EZH1: variants seen among roughly 807,000 people sequenced by gnomAD.
EZH1 encodes histone-lysine N-methyltransferase EZH1.
In EZH1, 33 loss-of-function variants were observed where a neutral mutation model predicts 100.5. The observed-to-expected ratio is 0.33, with a 90% CI of 0.25 to 0.44. The LOEUF is 0.44. Among genes scored for constraint, EZH1 ranks in the 20% least tolerant of loss-of-function variants. The probability of loss-of-function intolerance (pLI) is 1.00; values close to 1 mark genes in which losing one functional copy is unlikely to be tolerated. For synonymous variants in EZH1, 272 were observed against 313.8 expected (o/e 0.87, Z 1.41); for missense variants, 475 against 928.4 (o/e 0.51, Z 6.35).
intron 12 of EZH1, among the ~76,000 whole-genome samples, chr17:42,710,636 T>C (rs571599599): frequency 1.3e-5 from 2 of 150,516 alleles, no homozygotes; most frequent in African/African-American, 4.9e-5. Context: ...TTTGTTTTTT[T>C]TTTTTTTTTT....
rs779743535 is a variant in EZH1 at position 42,705,225 on chromosome 17, T to C, written c.1840-42A>G. ...CAAGTCTCAGACTACAGGGTGTGCATGAGTAGGGGGTGTGTGCTGGATGTG... is the reference window on the plus strand; with the variant it reads ...CAAGTCTCAGACTACAGGGTGTGCACGAGTAGGGGGTGTGTGCTGGATGTG... On this transcript the variant is annotated intron_variant, in intron 16 of 20. Transcript: ENST00000428826. The C allele has an allele frequency of 4.0e-6, 5 of 1,238,222 alleles. No individual in the cohort carries two copies. In the East Asian group the frequency reaches 9.5e-5, roughly 24 times the overall value. 76.7% of individuals were successfully genotyped at this position (1,238,222 alleles called of 1,614,324 possible).
chr17:42,706,279 G>A lies in EZH1; in HGVS notation c.1661-94C>T. ...GGGACAGCAAAGAAGTAAATTTTTT[G>A]TGTTCAAGGATGTTTGGCAAAATAA... On this transcript the variant is annotated intron_variant, in intron 15 of 20. Coordinates refer to ENST00000428826, the MANE Select transcript of EZH1 (RefSeq NM_001991.5). The surrounding 1 kb of genome is among the most constrained non-coding windows in gnomAD (Gnocchi z 4.4). 8.3e-7 allele frequency: 1 copy of A among 1,209,912 alleles called. No homozygotes were observed. The highest frequency in any genetic ancestry group is 2.2e-5 in the South Asian group (1 of 46,140). 74.9% of individuals were successfully genotyped at this position (1,209,912 alleles called of 1,614,324 possible).
intron 6 of EZH1, 32 bp from the exon 7 acceptor site, chr17:42,720,481 G>C: frequency 6.3e-7 from 1 of 1,583,844 alleles, no homozygotes; most frequent in Non-Finnish European, 8.6e-7. Flanking sequence ...GATGAGCAGT[G>C]GTCACTTCAC....
intron 2 of EZH1, 69 bp downstream of exon 2, chr17:42,730,759 G>A (rs2053930928): frequency 1.4e-6 from 1 of 708,716 alleles, no homozygotes; most frequent in Non-Finnish European, 1.7e-6. Flanking sequence ...GCCTCCCAAA[G>A]TGCTGGGATT....
chr17:42,718,357 G>A lies in EZH1; in HGVS notation c.931+97C>T. On this transcript the variant is annotated intron_variant, in intron 9 of 20. Coordinates refer to ENST00000428826, the MANE Select transcript of EZH1 (RefSeq NM_001991.5). This position sits in a 1 kb window ranked among gnomAD's most constrained non-coding sequence, Gnocchi z 4.2. ...CCCTTTGTAAAACGTTAGAACAGAA[G>A]CCAGGAACTCTATACGAGAAACCAG... The A allele has an allele frequency of 6.7e-7, 1 of 1,486,380 alleles. No homozygotes were observed. Among genetic ancestry groups the A allele is most frequent in the East Asian group, 2.3e-5 (1 of 43,316 alleles). 92.1% of individuals were successfully genotyped at this position (1,486,380 alleles called of 1,614,324 possible).
intron 6 of EZH1, 95 bp downstream of exon 6, chr17:42,722,700 G>C: frequency 7.9e-7 from 1 of 1,261,092 alleles, no homozygotes; most frequent in Non-Finnish European, 1.1e-6. Context: ...GTACCCCATG[G>C]GGCAGAAGAT....
rs138011333 is a variant in EZH1 at position 42,727,481 on chromosome 17, G to C, written c.246+154C>G. ...TGGTCTCAAACTCCTCACCTCAAGCGATTTTCCCACCTCAGCCTCCCAAAT... is the reference window on the plus strand; with the variant it reads ...TGGTCTCAAACTCCTCACCTCAAGCCATTTTCCCACCTCAGCCTCCCAAAT... On this transcript the variant is annotated intron_variant, in intron 4 of 20. Coordinates refer to ENST00000428826, the MANE Select transcript of EZH1 (RefSeq NM_001991.5). Among the ~76,000 whole-genome samples, 295 of 152,104 alleles carry C rather than the reference G, an allele frequency of 1.9e-3. 1 individual carries two copies. Among genetic ancestry groups the C allele is most frequent in the African/African-American group, 6.7e-3 (277 of 41,494 alleles).
Position 42,745,011 on chromosome 17 carries a change from C to A in EZH1, c.-103G>T. 1.6e-6 allele frequency: 2 copies of A among 1,274,002 alleles called. No individual in the cohort carries two copies. Among genetic ancestry groups the A allele is most frequent in the Non-Finnish European group, 1.0e-6 (1 of 982,890 alleles). 78.9% of individuals were successfully genotyped at this position (1,274,002 alleles called of 1,614,324 possible). On this transcript the variant is annotated splice_region_variant and 5_prime_UTR_variant, in exon 1 of 21. Transcript: ENST00000428826. Reference sequence around the variant, plus strand: ...GGCCCAGGCTTGTTTACTCACTCACCCTCCATCCCGAGCCGCGGGTCCCGC... The same window carrying A: ...GGCCCAGGCTTGTTTACTCACTCACACTCCATCCCGAGCCGCGGGTCCCGC...
chr17:42,732,141 A>C lies in EZH1; in HGVS notation c.-102-1223T>G, dbSNP rs1451955797. ...TCAAAAACAAAAACAAAACAAAACCAAAAAAAAAAAAGGAAAAGAAAAGAA... is the reference window on the plus strand; with the variant it reads ...TCAAAAACAAAAACAAAACAAAACCCAAAAAAAAAAAGGAAAAGAAAAGAA... On this transcript the variant is annotated intron_variant, in intron 1 of 20. Transcript: ENST00000428826. Among the ~76,000 whole-genome samples, 4 of 137,758 alleles carry C rather than the reference A, an allele frequency of 2.9e-5. No individual in the cohort carries two copies. In the East Asian group the frequency reaches 8.2e-4, roughly 28 times the overall value. 90.4% of individuals were successfully genotyped at this position (137,758 alleles called of 152,430 possible).
chr17:42,744,752 C>T (rs981869529), intron 1 of EZH1, among the ~76,000 whole-genome samples: 62 of 152,162 alleles, frequency 4.1e-4, no homozygotes, highest in African/African-American at 1.4e-3. Flanking sequence ...CGAGCCCGCC[C>T]CCGCCGCTCC....
At chr17:42,726,236 C>T (rs1428674368) in intron 4 of EZH1, among the ~76,000 whole-genome samples, 2 of 100,396 alleles carry the variant, frequency 2.0e-5, no homozygotes. Flanking sequence ...TTTTTTGAGA[C>T]GGAGTCTCGC....
intron 2 of EZH1, among the ~76,000 whole-genome samples, chr17:42,730,113 C>T (rs562543191): frequency 1.3e-5 from 2 of 152,198 alleles, no homozygotes; most frequent in Non-Finnish European, 2.9e-5. Flanking sequence ...ATTTGTGGTC[C>T]AATTATCAAA....
intron 1 of EZH1, among the ~76,000 whole-genome samples, chr17:42,742,141 CT>C (rs781134584): frequency 1.8e-3 from 260 of 141,028 alleles, no homozygotes; most frequent in African/African-American, 1.9e-3. Flanking sequence ...TGCTGTCTCT[CT>C]TTTTTTTTTT....
chr17:42,714,410 T>C, intron 10 of EZH1: 1 of 345,910 alleles, frequency 2.9e-6, no homozygotes, highest in Admixed American at 2.9e-5. Context: ...CCAAGAGGGT[T>C]GGGAAAGCAC....
chr17:42,721,196 C>T (rs189300562), intron 6 of EZH1, among the ~76,000 whole-genome samples: 1 of 152,282 alleles, frequency 6.6e-6, no homozygotes, highest in East Asian at 1.9e-4. Context: ...TCTTTGAACA[C>T]TAGGAGGCAC....
chr17:42,737,657 A>C (rs1211944782), intron 1 of EZH1, among the ~76,000 whole-genome samples: 2 of 152,184 alleles, frequency 1.3e-5, no homozygotes, highest in Non-Finnish European at 2.9e-5. Flanking sequence ...TTTCTTAAAA[A>C]ACAAACTATT....
intron 11 of EZH1, 59 bp downstream of exon 11, chr17:42,713,150 C>T: frequency 1.9e-6 from 3 of 1,544,716 alleles, no homozygotes; most frequent in Non-Finnish European, 2.6e-6. Flanking sequence ...GGCAGTGATC[C>T]TGGGTTTACC....
intron 16 of EZH1, chr17:42,705,622 C>T (rs772687752): frequency 1.7e-5 from 3 of 176,064 alleles, no homozygotes; most frequent in Non-Finnish European, 2.4e-5. Flanking sequence ...CAGGTTCAAG[C>T]GATTCTCCTA....
At chr17:42,742,874 T>G (rs917980906) in intron 1 of EZH1, among the ~76,000 whole-genome samples, 1 of 152,094 alleles carries the variant, frequency 6.6e-6, no homozygotes, top group Non-Finnish European at 1.5e-5. Context: ...TCTCTCCCTT[T>G]TTTTTTTCTT....
Sources: gnomAD v4.1 joint callset for allele counts (sites outside exome capture counted in the v4.1 genomes callset) on GRCh38, gnomAD v4.1.1 for gene constraint, Gnocchi (gnomAD v3.1) non-coding constraint, MANE v1.5 for transcripts, NCBI Gene and HGNC (gene_info 2026-07-23, HGNC 2026-07-21) for gene names.